RBM47: variants seen among roughly 807,000 people sequenced by gnomAD.
RBM47 encodes the protein RNA binding motif protein 47, also known as RNA-binding protein 47.
RBM47 carries 21 observed loss-of-function variants against 47.1 expected under a neutral mutation model. The observed-to-expected ratio is 0.45, with a 90% CI of 0.32 to 0.64. The LOEUF is 0.64. Ranked by LOEUF, RBM47 falls within the 30% of genes least tolerant of loss-of-function variation. The pLI, the probability that RBM47 is intolerant of heterozygous loss-of-function variation, is 0.05. For missense variants in RBM47, 708 were observed against 870.9 expected, an observed-to-expected ratio of 0.81 and a Z score of 2.35; for synonymous variants, 375 against 361.7, an observed-to-expected ratio of 1.04 and a Z score of -0.42.
At chr4:40,545,702 T>TAAATAAATAAATAAATAAAA (rs1202852135) in intron 1 of RBM47, among the ~76,000 whole-genome samples, 5 of 150,906 alleles carry the variant, frequency 3.3e-5, no homozygotes, top group South Asian at 2.1e-4. Context: ...AATAAATAAA[T>TAAATAAATAAATAAATAAAA]AAAAGAGAAA....
At chr4:40,520,775 G>C (rs184141901) in intron 2 of RBM47, among the ~76,000 whole-genome samples, 80 of 152,258 alleles carry the variant, frequency 5.3e-4, no homozygotes, top group Non-Finnish European at 7.4e-4. Flanking sequence ...GGGCCCAGGG[G>C]CTCTTGGTGC....
intron 1 of RBM47, among the ~76,000 whole-genome samples, chr4:40,598,008 G>A (rs915796578): frequency 2.6e-5 from 4 of 152,114 alleles, no homozygotes; most frequent in African/African-American, 9.7e-5. Context: ...TCCACAAAAC[G>A]GAATCTTTTT....
intron 1 of RBM47, among the ~76,000 whole-genome samples, chr4:40,592,961 ATATATATATATATATATATTTTT>A (rs1734333293): frequency 3.5e-4 from 5 of 14,452 alleles, no homozygotes; most frequent in Non-Finnish European, 5.1e-4. Context: ...ATATATATAT[ATATATATATATATATATATTTTT>A]TTTTTTTTTT....
chr4:40,479,975 ATTT>A (rs71647000), intron 2 of RBM47, among the ~76,000 whole-genome samples: 2 of 117,304 alleles, frequency 1.7e-5, no homozygotes, highest in Non-Finnish European at 3.4e-5. Flanking sequence ...TATCATCTCC[ATTT>A]TTTTTTTTTT....
At chr4:40,454,065 G>A (rs775453293) in intron 3 of RBM47, among the ~76,000 whole-genome samples, 1 of 152,184 alleles carries the variant, frequency 6.6e-6, no homozygotes. Flanking sequence ...TTTTAATAAA[G>A]TTTTGTTGGC....
At chr4:40,590,732 G>T (rs1734060533) in intron 1 of RBM47, among the ~76,000 whole-genome samples, 1 of 152,222 alleles carries the variant, frequency 6.6e-6, no homozygotes, top group Admixed American at 6.5e-5. Context: ...TGCTGGACAT[G>T]CCATAACATG....
At chr4:40,542,720 T>C (rs1302863312) in intron 2 of RBM47, 2 of 152,252 alleles carry the variant, frequency 1.3e-5, no homozygotes, top group South Asian at 2.1e-4. Flanking sequence ...TAAATTTTTG[T>C]AGAGACAGGT....
intron 1 of RBM47, among the ~76,000 whole-genome samples, chr4:40,614,445 T>C (rs900736304): frequency 2.0e-5 from 3 of 152,090 alleles, no homozygotes; most frequent in African/African-American, 7.2e-5. Flanking sequence ...GGGTCAATTG[T>C]CTGAGGTGAT....
At chr4:40,569,927 G>A (rs1291576623) in intron 1 of RBM47, among the ~76,000 whole-genome samples, 3 of 145,346 alleles carry the variant, frequency 2.1e-5, no homozygotes, top group Non-Finnish European at 4.5e-5. Flanking sequence ...GGCCAGGCTG[G>A]TCTCGAACTC....
chr4:40,584,964 T>G (rs181919899), intron 1 of RBM47, among the ~76,000 whole-genome samples: 3 of 152,172 alleles, frequency 2.0e-5, no homozygotes, highest in African/African-American at 7.2e-5. Flanking sequence ...TTCCAACTAA[T>G]GGAGGCGCAG....
intron 6 of RBM47, among the ~76,000 whole-genome samples, chr4:40,432,203 TACACACACACACACACACACACACAC>T (rs61008905): frequency 2.0e-5 from 3 of 147,722 alleles, no homozygotes; most frequent in African/African-American, 5.0e-5. Flanking sequence ...TCTCTCTCTT[TACACACACACACACACACACACACAC>T]ACACACACAC....
Position 40,432,745 on chromosome 4 carries a change from T to C in RBM47, c.1448A>G (p.Gln483Arg). Reference sequence around the variant, plus strand: ...GGCAGCAGCACTGGCTGGGTCTGGCTGCACAGCAATGGGGCTGATCATGTG... The same window carrying C: ...GGCAGCAGCACTGGCTGGGTCTGGCCGCACAGCAATGGGGCTGATCATGTG... The part of the protein sequence containing the change: ...VEHMISPIAV[Q>R]PDPASAAAAA... The change falls in exon 6 of 7, where the codon CAG becomes CGG. Residue 483 changes from glutamine (Q) to arginine (R), a missense_variant. By Grantham distance (43) the Gln-to-Arg change is conservative. Transcript: ENST00000295971. 6.2e-7 allele frequency: 1 copy of C among 1,613,058 alleles called. No individual in the cohort carries two copies. Among genetic ancestry groups the C allele is most frequent in the Admixed American group, 1.7e-5 (1 of 59,930 alleles).
chr4:40,623,575 A>G (rs1424996234), intron 1 of RBM47, among the ~76,000 whole-genome samples: 1 of 151,624 alleles, frequency 6.6e-6, no homozygotes, highest in Non-Finnish European at 1.5e-5. Flanking sequence ...CACAGGCGCA[A>G]TCATAACGTA....
chr4:40,607,137 G>C (rs1422202091), intron 1 of RBM47, among the ~76,000 whole-genome samples: 1 of 152,034 alleles, frequency 6.6e-6, no homozygotes, highest in African/African-American at 2.4e-5. Context: ...ACAAAATCTG[G>C]TATGTCCGTA....
intron 1 of RBM47, among the ~76,000 whole-genome samples, chr4:40,584,681 G>A (rs574804518): frequency 6.6e-6 from 1 of 152,032 alleles, no homozygotes; most frequent in Non-Finnish European, 1.5e-5. Context: ...ACACCTACAT[G>A]TTGCCTCAAA....
At chr4:40,444,825 C>T (rs563418298) in intron 3 of RBM47, among the ~76,000 whole-genome samples, 68 of 151,840 alleles carry the variant, frequency 4.5e-4, no homozygotes, top group Non-Finnish European at 6.9e-4. Context: ...CCATCATGTC[C>T]GGTTAATTTT....
intron 3 of RBM47, among the ~76,000 whole-genome samples, chr4:40,458,982 T>C (rs1356041929): frequency 6.6e-6 from 1 of 152,224 alleles, no homozygotes; most frequent in Non-Finnish European, 1.5e-5. Context: ...GGCTCTTTTA[T>C]CAATTTCATT....
At chr4:40,489,877 C>T (rs777624873) in intron 2 of RBM47, among the ~76,000 whole-genome samples, 10 of 152,132 alleles carry the variant, frequency 6.6e-5, no homozygotes, top group Admixed American at 1.3e-4. Context: ...ATCAATATGT[C>T]TTATGCATAT....
chr4:40,545,069 T>C (rs1284900912), intron 1 of RBM47, among the ~76,000 whole-genome samples: 3 of 114,312 alleles, frequency 2.6e-5, no homozygotes, highest in East Asian at 2.8e-4. Context: ...TTTTTTTTTT[T>C]CAGACGGAGT....
Sources: allele counts gnomAD v4.1 joint callset (sites outside exome capture counted in the v4.1 genomes callset), GRCh38; gene constraint gnomAD v4.1.1; transcripts MANE v1.5; gene names NCBI Gene and HGNC (gene_info 2026-07-23, HGNC 2026-07-21).